Variants in PCDH9 observed in about 807,000 individuals in gnomAD.
PCDH9 encodes the protein protocadherin 9, also known as protocadherin-9.
A neutral mutation model predicts 70.6 loss-of-function variants in PCDH9; 24 were observed. The ratio of observed to expected loss-of-function variants is 0.34; its 90% CI spans 0.25 to 0.48. The LOEUF (loss-of-function observed/expected upper bound fraction) is 0.48, where lower values mean the gene tolerates loss of function less well. Among genes scored for constraint, PCDH9 ranks in the 20% least tolerant of loss-of-function variants. The pLI is 0.99. For synonymous variants in PCDH9, 562 were observed against 558.5 expected (o/e 1.01, Z -0.09); for missense variants, 1,281 against 1,503.6 (o/e 0.85, Z 2.45).
intron 2 of PCDH9, among the ~76,000 whole-genome samples, chr13:66,948,421 A>C (rs2083124381): frequency 6.6e-6 from 1 of 152,108 alleles, no homozygotes; most frequent in Non-Finnish European, 1.5e-5. Context: ...TTCACTTCTC[A>C]AAATTAGTCA....
At chr13:67,192,309 T>C (rs186200377) in intron 2 of PCDH9, among the ~76,000 whole-genome samples, 5 of 152,280 alleles carry the variant, frequency 3.3e-5, no homozygotes, top group Admixed American at 6.5e-5. Context: ...TAAAATAATA[T>C]GAAATAACTA....
chr13:66,436,191 G>A (rs560562668), intron 4 of PCDH9, among the ~76,000 whole-genome samples: 13 of 152,208 alleles, frequency 8.5e-5, no homozygotes, highest in African/African-American at 2.9e-4. Context: ...CTGTTAGGAG[G>A]TGGGACATCT....
At chr13:66,571,875 G>A (rs1323125918) in intron 4 of PCDH9, among the ~76,000 whole-genome samples, 1 of 151,882 alleles carries the variant, frequency 6.6e-6, no homozygotes, top group Non-Finnish European at 1.5e-5. Flanking sequence ...GTTTTATCGT[G>A]TATGACTAAA....
At chr13:67,108,378 T>C (rs936267101) in intron 2 of PCDH9, among the ~76,000 whole-genome samples, 1 of 152,132 alleles carries the variant, frequency 6.6e-6, no homozygotes, top group Non-Finnish European at 1.5e-5. Flanking sequence ...ACTGATAACA[T>C]AGTGATACAG....
intron 4 of PCDH9, among the ~76,000 whole-genome samples, chr13:66,621,022 A>T (rs560999833): frequency 6.6e-6 from 1 of 152,340 alleles, no homozygotes; most frequent in South Asian, 2.1e-4. Context: ...TGAATAATGT[A>T]TACGAAGATA....
intron 4 of PCDH9, among the ~76,000 whole-genome samples, chr13:66,402,990 C>A (rs1273945096): frequency 6.6e-6 from 1 of 151,978 alleles, no homozygotes; most frequent in African/African-American, 2.4e-5. Context: ...TGCTTAAAAA[C>A]AAACACATTG....
intron 2 of PCDH9, among the ~76,000 whole-genome samples, chr13:66,998,119 G>T (rs1217308607): frequency 2.0e-5 from 3 of 152,158 alleles, no homozygotes; most frequent in Non-Finnish European, 2.9e-5. Context: ...GACACCCACT[G>T]GGGCCTTCAG....
chr13:66,357,220 C>G (rs1956398877), intron 4 of PCDH9, among the ~76,000 whole-genome samples: 2 of 151,880 alleles, frequency 1.3e-5, no homozygotes, highest in African/African-American at 2.4e-5. Context: ...CCTTGGTGAT[C>G]AGGTAAGATT....
chr13:66,520,906 A>T (rs1311083665), intron 4 of PCDH9, among the ~76,000 whole-genome samples: 1 of 152,208 alleles, frequency 6.6e-6, no homozygotes, highest in African/African-American at 2.4e-5. Context: ...TACTGGCAGA[A>T]GCTGGTGAGT....
At chr13:66,879,589 A>G (rs2081886052) in intron 3 of PCDH9, among the ~76,000 whole-genome samples, 1 of 152,196 alleles carries the variant, frequency 6.6e-6, no homozygotes, top group South Asian at 2.1e-4. Context: ...TCAAATAGCA[A>G]TTTAGGATTA....
chr13:66,689,207 G>A (rs2078448115), intron 3 of PCDH9, among the ~76,000 whole-genome samples: 1 of 151,998 alleles, frequency 6.6e-6, no homozygotes, highest in East Asian at 1.9e-4. Flanking sequence ...CACCATTACA[G>A]GCTATTTAAA....
In PCDH9 at chr13:66,545,829, T is replaced by TTTTATTTTA. The variant is rs751643461; in HGVS notation, c.3340+85380_3340+85381insTAAAATAAA. On this transcript the variant is annotated intron_variant, in intron 4 of 4. Transcript: ENST00000377865. ...TTTTACTTTATTTTATTTTATTTTA[T>TTTTATTTTA]TTTATTTATTTATTTATTTATTTAT... Among the ~76,000 whole-genome samples the TTTTATTTTA allele has an allele frequency of 3.3e-3, 486 of 147,534 alleles. 1 individual carries two copies. Among genetic ancestry groups the TTTTATTTTA allele is most frequent in the Admixed American group, 4.9e-3 (72 of 14,826 alleles).
chr13:66,620,695 CT>C (rs956350941), intron 4 of PCDH9, among the ~76,000 whole-genome samples: 46 of 147,228 alleles, frequency 3.1e-4, no homozygotes, highest in African/African-American at 4.2e-4. Context: ...ATCAGTGTTC[CT>C]TTTTTTTTTG....
intron 3 of PCDH9, among the ~76,000 whole-genome samples, chr13:66,701,305 G>A (rs149077358): frequency 4.6e-5 from 7 of 151,830 alleles, no homozygotes; most frequent in Non-Finnish European, 7.4e-5. Context: ...ACACATATGT[G>A]GGGGTGTCTG....
At chr13:66,908,111 T>C (rs1404444052) in intron 2 of PCDH9, among the ~76,000 whole-genome samples, 1 of 152,222 alleles carries the variant, frequency 6.6e-6, no homozygotes, top group African/African-American at 2.4e-5. Context: ...TCAACTTCTC[T>C]CTATGCATTT....
intron 3 of PCDH9, among the ~76,000 whole-genome samples, chr13:66,688,308 C>G (rs1423524638): frequency 6.6e-6 from 1 of 152,112 alleles, no homozygotes; most frequent in Non-Finnish European, 1.5e-5. Flanking sequence ...AATAATTAAA[C>G]AAACTATTTA....
chr13:66,871,121 A>G (rs922179085), intron 3 of PCDH9, among the ~76,000 whole-genome samples: 28 of 151,922 alleles, frequency 1.8e-4, no homozygotes, highest in African/African-American at 6.5e-4. Flanking sequence ...CATCATTCTC[A>G]GTAAACTATC....
At chr13:66,930,879 C>T (rs1276199867) in intron 2 of PCDH9, among the ~76,000 whole-genome samples, 1 of 151,944 alleles carries the variant, frequency 6.6e-6, no homozygotes, top group East Asian at 1.9e-4. Flanking sequence ...ATGACAATGA[C>T]CTCCATATAA....
chr13:66,529,110 T>G (rs1359219801), intron 4 of PCDH9, among the ~76,000 whole-genome samples: 1 of 152,028 alleles, frequency 6.6e-6, no homozygotes, highest in African/African-American at 2.4e-5. Context: ...TCAAGTACAT[T>G]TTACATGAAA....
Sources: gnomAD v4.1 joint callset for allele counts (sites outside exome capture counted in the v4.1 genomes callset) on GRCh38, gnomAD v4.1.1 for gene constraint, MANE v1.5 for transcripts, NCBI Gene and HGNC (gene_info 2026-07-23, HGNC 2026-07-21) for gene names.